Variants in ARID1B observed in about 807,000 individuals in gnomAD.
The protein encoded by ARID1B is AT-rich interactive domain-containing protein 1B.
Under a neutral mutation model 212.3 loss-of-function variants are expected in ARID1B, and 30 were observed. The observed-to-expected ratio is 0.14, with a 90% CI of 0.11 to 0.19. The LOEUF is 0.19. Among genes scored for constraint, ARID1B ranks in the 10% least tolerant of loss-of-function variants. The pLI, the probability that ARID1B is intolerant of heterozygous loss-of-function variation, is 1.00. For missense variants in ARID1B, 2,891 were observed against 3,204.0 expected (o/e 0.90, Z 2.36); for synonymous variants, 1,402 against 1,301.7 (o/e 1.08, Z -1.66).
chr6:157,187,923 G>C (rs1793092498), intron 13 of ARID1B, among the ~76,000 whole-genome samples: 1 of 152,088 alleles, frequency 6.6e-6, no homozygotes, highest in Admixed American at 6.6e-5. Flanking sequence ...TCGAAAGCAA[G>C]TCATTTCTCT....
At position 157,130,360 on chromosome 6, in the gene ARID1B, CA is replaced by C. The variant is rs1788465070; in HGVS notation, c.2582-2667del. ...ACATGATCTCTATGAAATTGAAACACATTTTTTTATTAAACAGGACTCTATC... is the reference window on the plus strand; with the variant it reads ...ACATGATCTCTATGAAATTGAAACACTTTTTTTATTAAACAGGACTCTATC... On this transcript the variant is annotated intron_variant, in intron 6 of 19. Coordinates refer to ENST00000636930, the MANE Select transcript of ARID1B (RefSeq NM_001374828.1). Among the ~76,000 whole-genome samples the C allele has an allele frequency of 4.6e-5, 7 of 152,220 alleles. No homozygotes were observed. In the South Asian group the frequency reaches 1.5e-3, roughly 32 times the overall value.
chr6:157,066,618 G>A (rs532344897), intron 4 of ARID1B, among the ~76,000 whole-genome samples: 2 of 152,240 alleles, frequency 1.3e-5, no homozygotes, highest in South Asian at 4.1e-4. Context: ...TTGTTCCAAA[G>A]AATAGAATCA....
At chr6:156,859,947 T>TGA (rs150976755) in intron 2 of ARID1B, among the ~76,000 whole-genome samples, 32 of 151,602 alleles carry the variant, frequency 2.1e-4, no homozygotes, top group African/African-American at 5.6e-4. Context: ...GTCCTTATTT[T>TGA]GAGAGAGAGA....
chr6:156,812,970 GTGTGTGTA>G (rs1275422649), intron 1 of ARID1B, among the ~76,000 whole-genome samples: 2,285 of 93,302 alleles, frequency 0.024, 70 homozygotes, highest in African/African-American at 0.076. Flanking sequence ...GTGTGTGTGT[GTGTGTGTA>G]TGTATATACA....
intron 2 of ARID1B, among the ~76,000 whole-genome samples, chr6:156,861,587 GGTTTCA>G (rs549465518): frequency 3.0e-4 from 45 of 151,938 alleles, no homozygotes; most frequent in African/African-American, 1.1e-3. Context: ...CTCAAGCCTG[GGTTTCA>G]GAGTGAGACC....
intron 9 of ARID1B, 198 bp from the exon 10 acceptor site, chr6:157,173,810 T>C: frequency 2.0e-6 from 1 of 492,260 alleles, no homozygotes; most frequent in South Asian, 3.6e-5. Flanking sequence ...TTTTTTTAGA[T>C]AAAAAAGGAT....
chr6:157,177,981 G>C (rs966659819), intron 11 of ARID1B, among the ~76,000 whole-genome samples: 1 of 152,158 alleles, frequency 6.6e-6, no homozygotes. Context: ...GAGTGATAAC[G>C]TACATGCTCT....
At chr6:157,007,731 T>C (rs568961340) in intron 4 of ARID1B, among the ~76,000 whole-genome samples, 1 of 140,876 alleles carries the variant, frequency 7.1e-6, no homozygotes, top group Admixed American at 7.2e-5. Context: ...AAGTTGTTTT[T>C]TTTTTTTTTT....
At chr6:156,989,198 G>A (rs922664876) in intron 4 of ARID1B, among the ~76,000 whole-genome samples, 22 of 152,038 alleles carry the variant, frequency 1.4e-4, no homozygotes, top group African/African-American at 4.8e-4. Context: ...GTTGCTTTGC[G>A]AAACCCCTCT....
At chr6:156,788,136 C>A (rs1453809610) in intron 1 of ARID1B, among the ~76,000 whole-genome samples, 1 of 152,228 alleles carries the variant, frequency 6.6e-6, no homozygotes, top group East Asian at 1.9e-4. Flanking sequence ...CAGCCCCTCC[C>A]AGCTCCAAAA....
At chr6:156,893,003 C>T (rs1788059930) in intron 2 of ARID1B, among the ~76,000 whole-genome samples, 1 of 150,042 alleles carries the variant, frequency 6.7e-6, no homozygotes, top group Admixed American at 6.6e-5. Context: ...TGTGTAAGAG[C>T]TTAAACAAAG....
At chr6:157,010,302 T>G (rs11156133) in intron 4 of ARID1B, among the ~76,000 whole-genome samples, 57,065 of 121,874 alleles carry the variant, frequency 0.47, 13,653 homozygotes, top group East Asian at 0.57. Flanking sequence ...TTTTTTTTTT[T>G]TTGTTGTTGT....
chr6:157,130,339 G>A (rs2128577202), intron 6 of ARID1B, among the ~76,000 whole-genome samples: 1 of 152,294 alleles, frequency 6.6e-6, no homozygotes, highest in Middle Eastern at 3.4e-3. Flanking sequence ...AGACCCACAT[G>A]ATCTCTATGA....
intron 4 of ARID1B, among the ~76,000 whole-genome samples, chr6:156,944,632 A>C (rs2128292261): frequency 6.6e-6 from 1 of 152,338 alleles, no homozygotes; most frequent in Admixed American, 6.5e-5. Flanking sequence ...TTTCTGAACC[A>C]AGTTGATCAT....
At chr6:156,823,019 C>T (rs1172388102) in intron 1 of ARID1B, among the ~76,000 whole-genome samples, 1 of 152,204 alleles carries the variant, frequency 6.6e-6, no homozygotes, top group East Asian at 1.9e-4. Context: ...CCCGATATGA[C>T]AGCAACTATC....
At chr6:156,829,488 C>T (rs184278905) in intron 2 of ARID1B, 67 bp downstream of exon 2, 1 of 1,461,708 alleles carries the variant, frequency 6.8e-7, no homozygotes. Flanking sequence ...TGCTGTCCAC[C>T]TAAGATTGAT....
chr6:157,056,907 A>T, intron 4 of ARID1B, among the ~76,000 whole-genome samples: 1 of 148,106 alleles, frequency 6.8e-6, no homozygotes, highest in African/African-American at 2.5e-5. Flanking sequence ...TCTTTTTTTT[A>T]AATAAGTTTA....
At chr6:156,850,029 C>A (rs902805581) in intron 2 of ARID1B, among the ~76,000 whole-genome samples, 10 of 148,118 alleles carry the variant, frequency 6.8e-5, no homozygotes, top group Non-Finnish European at 3.0e-5. Flanking sequence ...GATCTAGTAG[C>A]CCTGGACAAC....
chr6:157,108,351 C>T (rs893268171), intron 5 of ARID1B, among the ~76,000 whole-genome samples: 6 of 152,238 alleles, frequency 3.9e-5, no homozygotes, highest in Admixed American at 1.3e-4. Context: ...AGCAGTGCCT[C>T]GGGCGTGCAC....
Sources: allele counts gnomAD v4.1 joint callset (sites outside exome capture counted in the v4.1 genomes callset), GRCh38; gene constraint gnomAD v4.1.1; transcripts MANE v1.5; gene names NCBI Gene and HGNC (gene_info 2026-07-23, HGNC 2026-07-21).